CNGA3: variants seen among roughly 807,000 people sequenced by gnomAD.
CNGA3 encodes the protein cyclic nucleotide gated channel subunit alpha 3, also known as cyclic nucleotide-gated channel alpha-3.
Under a neutral mutation model 46.6 loss-of-function variants are expected in CNGA3, and 42 were observed. That is an observed-to-expected ratio of 0.90 (90% confidence interval 0.70 to 1.17). CNGA3 has a LOEUF of 1.17. Ranked by LOEUF, CNGA3 falls within the 50% of genes most tolerant of loss-of-function variation. The pLI is 0.00. For missense variants in CNGA3, 893 were observed against 890.7 expected (o/e 1.00, Z -0.03); for synonymous variants, 394 against 369.4 (o/e 1.07, Z -0.76).
rs1692949374 is a variant in CNGA3 at position 98,397,483 on chromosome 2, C to T, written c.*228C>T. The T allele has an allele frequency of 3.3e-6, 2 of 598,040 alleles. No homozygotes were observed. The highest frequency in any genetic ancestry group is 1.9e-5 in the African/African-American group (1 of 53,914). The allele number at this position is 598,040 out of a possible 1,614,324, so 37.0% of individuals were successfully genotyped here. Reference sequence around the variant, plus strand: ...ATTGTGAAGTCCGCATGAAACACTGCACCAGGCAGGGCTTTGCAAAGTGCA... The same window carrying T: ...ATTGTGAAGTCCGCATGAAACACTGTACCAGGCAGGGCTTTGCAAAGTGCA... On this transcript the variant is annotated 3_prime_UTR_variant, in exon 8 of 8. Coordinates refer to ENST00000272602, the MANE Select transcript of CNGA3 (RefSeq NM_001298.3).
chr2:98,392,001 C>G, intron 7 of CNGA3, 31 bp downstream of exon 7: 1 of 1,588,116 alleles, frequency 6.3e-7, no homozygotes, highest in Non-Finnish European at 8.6e-7. Flanking sequence ...GGGAGGGGAC[C>G]ATGGCCCCCA....
At chr2:98,389,541 C>T in intron 5 of CNGA3, 117 bp from the exon 6 acceptor site, 1 of 878,352 alleles carries the variant, frequency 1.1e-6, no homozygotes, top group Non-Finnish European at 1.9e-6. Context: ...TAAGAGGACC[C>T]TGTTGTGGAC....
intron 1 of CNGA3, among the ~76,000 whole-genome samples, chr2:98,359,614 G>A (rs1407505165): frequency 6.6e-6 from 1 of 152,156 alleles, no homozygotes; most frequent in Non-Finnish European, 1.5e-5. Context: ...AGGAAGTCAT[G>A]AGGAGAGCTG....
chr2:98,382,324 C>A (rs1190169496), intron 4 of CNGA3, among the ~76,000 whole-genome samples: 1 of 152,216 alleles, frequency 6.6e-6, no homozygotes, highest in African/African-American at 2.4e-5. Context: ...ATGGTGAACA[C>A]AGCCACTGCA....
intron 2 of CNGA3, among the ~76,000 whole-genome samples, chr2:98,372,874 C>T (rs1249025266): frequency 6.6e-6 from 1 of 152,134 alleles, no homozygotes; most frequent in Non-Finnish European, 1.5e-5. Flanking sequence ...TCAGCCTGAC[C>T]ACCAGCCGAG....
chr2:98,380,125 G>T (rs776191747), intron 3 of CNGA3, 50 bp from the exon 4 acceptor site: 1 of 1,604,458 alleles, frequency 6.2e-7, no homozygotes, highest in Non-Finnish European at 8.5e-7. Flanking sequence ...GTTTGGGGGT[G>T]TGGGGGGCTT....
In CNGA3 at chr2:98,372,695, C is replaced by T. The variant is rs140181520; in HGVS notation, c.101+2619C>T. Among the ~76,000 whole-genome samples the T allele has an allele frequency of 8.5e-5, 13 of 152,238 alleles. No homozygotes were observed. In the East Asian group the frequency reaches 2.3e-3, roughly 27 times the overall value. ...TCCTAGGGTTGTGGTGAGGTTACTG[C>T]AGATGTGAATGCAGAGGTCCTGGCA... On this transcript the variant is annotated intron_variant, in intron 2 of 7. Transcript: ENST00000272602.
Position 98,397,013 on chromosome 2 carries a change from G to T in CNGA3, c.1843G>T (p.Glu615Ter). The T allele has an allele frequency of 1.2e-6, 2 of 1,614,040 alleles. No individual in the cohort carries two copies. The highest frequency in any genetic ancestry group is 1.7e-6 in the Non-Finnish European group (2 of 1,179,962). ...ILMKDNLIDE[E>*]LARAGADPKD... ...GATGAAAGACAACCTGATCGATGAG[G>T]AGCTGGCCAGGGCGGGCGCGGACCC... is the stretch of plus-strand genomic sequence containing the variant. Residue 615 changes from glutamate (E) to a stop codon, truncating the protein, a stop_gained, in exon 8 of 8, where the codon GAG (glutamate) becomes TAG (stop). Transcript: ENST00000272602. LOFTEE classifies it low-confidence loss of function (END_TRUNC).
In CNGA3 at chr2:98,395,924, G is replaced by C. The variant is rs752802989; in HGVS notation, c.754G>C (p.Asp252His). ...CAAGACGACCACGCAGTTCAAGCTG[G>C]ATGTGTTGTCCCTGGTCCCCACCGA... ...HYKTTTQFKL[D>H]VLSLVPTDLA... Residue 252 changes from aspartate (D) to histidine (H), a missense_variant, in exon 8 of 8, where the codon GAT becomes CAT. Physicochemically the swap from Asp to His is moderately conservative, Grantham distance 81 (BLOSUM62 -1). Around this residue, in one of 3 missense-constraint regions of CNGA3, gnomAD observed 548 missense variants for 570.8 expected, o/e 0.96. Transcript: ENST00000272602. 2 of 1,614,076 alleles carry C rather than the reference G, an allele frequency of 1.2e-6. No homozygotes were observed. Among genetic ancestry groups the C allele is most frequent in the African/African-American group, 1.3e-5 (1 of 74,924 alleles).
intron 1 of CNGA3, among the ~76,000 whole-genome samples, chr2:98,352,362 T>G (rs993835439): frequency 6.6e-6 from 1 of 152,212 alleles, no homozygotes; most frequent in African/African-American, 2.4e-5. Context: ...TACAAGTTGT[T>G]GTGTGGACAT....
At chr2:98,368,971 GACGTTGCCTTTAAC>G (rs1692224991) in intron 1 of CNGA3, among the ~76,000 whole-genome samples, 2 of 152,348 alleles carry the variant, frequency 1.3e-5, no homozygotes, top group South Asian at 4.1e-4. Flanking sequence ...TCACAATAGT[GACGTTGCCTTTAAC>G]AGTAACTGGG....
intron 3 of CNGA3, chr2:98,378,108 C>T: frequency 6.4e-7 from 1 of 1,550,870 alleles, no homozygotes; most frequent in Non-Finnish European, 8.7e-7. Context: ...GTAAGAGCAG[C>T]CAGCCGTGGG....
intron 5 of CNGA3, among the ~76,000 whole-genome samples, chr2:98,388,172 G>T (rs1373875732): frequency 6.6e-6 from 1 of 152,134 alleles, no homozygotes; most frequent in Admixed American, 6.5e-5. Context: ...GACGCCACAC[G>T]CCACGCCCTC....
chr2:98,370,366 T>C (rs527625624), intron 2 of CNGA3, among the ~76,000 whole-genome samples: 24 of 152,224 alleles, frequency 1.6e-4, no homozygotes, highest in Non-Finnish European at 3.4e-4. Context: ...TAAATTTTAC[T>C]GTAAGAACTT....
intron 5 of CNGA3, among the ~76,000 whole-genome samples, chr2:98,389,205 G>A (rs763114481): frequency 1.1e-4 from 16 of 152,310 alleles, no homozygotes; most frequent in South Asian, 6.2e-4. Flanking sequence ...GTCCAGAGAG[G>A]GGCTGCCTCA....
chr2:98,353,070 C>T (rs1182535235), intron 1 of CNGA3, among the ~76,000 whole-genome samples: 1 of 152,080 alleles, frequency 6.6e-6, no homozygotes, highest in Non-Finnish European at 1.5e-5. Context: ...TTTGTAAGTT[C>T]TATGTATTAC....
chr2:98,377,987 A>G (rs1692447362), intron 3 of CNGA3, 187 bp downstream of exon 3: 1 of 1,492,458 alleles, frequency 6.7e-7, no homozygotes. Flanking sequence ...TTCTGAGCTC[A>G]GAAAAGTCTA....
intron 1 of CNGA3, among the ~76,000 whole-genome samples, chr2:98,363,546 G>C (rs1272666820): frequency 6.6e-6 from 1 of 152,018 alleles, no homozygotes; most frequent in African/African-American, 2.4e-5. Context: ...AAGATGATGG[G>C]GTTTTCTAGA....
At chr2:98,354,129 T>C (rs1024714151) in intron 1 of CNGA3, among the ~76,000 whole-genome samples, 2 of 152,246 alleles carry the variant, frequency 1.3e-5, no homozygotes, top group African/African-American at 4.8e-5. Flanking sequence ...TCTAGATTAC[T>C]TATAGTAGTA....
Sources: gnomAD v4.1 joint callset for allele counts (sites outside exome capture counted in the v4.1 genomes callset) on GRCh38, gnomAD v4.1.1 for gene constraint, gnomAD v4.1.1 regional missense constraint, MANE v1.5 for transcripts, NCBI Gene and HGNC (gene_info 2026-07-23, HGNC 2026-07-21) for gene names.